The following UPK1A variants were observed in gnomAD, a reference collection of about 807,000 sequenced individuals.
The protein encoded by UPK1A is uroplakin-1a.
Under a neutral mutation model 32.3 loss-of-function variants are expected in UPK1A, and 31 were observed. The observed-to-expected ratio is 0.96, with a 90% CI of 0.72 to 1.30. UPK1A has a LOEUF of 1.30. UPK1A is among the 50% of genes most tolerant of loss of function. The probability of loss-of-function intolerance (pLI) is 0.00; values close to 1 mark genes in which losing one functional copy is unlikely to be tolerated. For synonymous variants in UPK1A, 135 were observed against 137.1 expected (o/e 0.98, Z 0.11); for missense variants, 340 against 357.4 (o/e 0.95, Z 0.39).
exon 3 of UPK1A, chr19:35,668,490 G>A (rs1484835255): frequency 1.2e-6 from 2 of 1,614,066 alleles, no homozygotes; most frequent in Non-Finnish European, 1.7e-6. Flanking sequence ...GACCATATGG[G>A]TGACAGCCGA....
intron 6 of UPK1A, among the ~76,000 whole-genome samples, chr19:35,677,187 G>T (rs1296314084): frequency 1.3e-5 from 2 of 151,114 alleles, no homozygotes; most frequent in African/African-American, 4.9e-5. Flanking sequence ...TGGTGCCACT[G>T]CACTCTAGCC....
intron 2 of UPK1A, 167 bp from the exon 3 acceptor site, chr19:35,668,287 C>T (rs1435929542): frequency 1.3e-6 from 1 of 799,556 alleles, no homozygotes; most frequent in Non-Finnish European, 2.0e-6. Flanking sequence ...TCTCTTCTCT[C>T]CTGGCCTCTG....
chr19:35,672,951 A>T (rs1289389273), intron 3 of UPK1A, among the ~76,000 whole-genome samples: 1 of 151,916 alleles, frequency 6.6e-6, no homozygotes, highest in African/African-American at 2.4e-5. Flanking sequence ...CTCCTGACTC[A>T]GGTGATCGCC....
At chr19:35,669,961 T>C (rs770860263) in intron 3 of UPK1A, among the ~76,000 whole-genome samples, 1 of 152,140 alleles carries the variant, frequency 6.6e-6, no homozygotes, top group Non-Finnish European at 1.5e-5. Flanking sequence ...GCACTGGGGC[T>C]CTGTGCTGAG....
chr19:35,673,236 T>C (rs1173210133), exon 4 of UPK1A: 5 of 1,613,960 alleles, frequency 3.1e-6, no homozygotes, highest in Non-Finnish European at 4.2e-6. Context: ...CCCCAGTACC[T>C]GGTGCTCATG....
At chr19:35,676,191 C>A in intron 6 of UPK1A, 172 bp downstream of exon 6, 2 of 773,680 alleles carry the variant, frequency 2.6e-6, no homozygotes, top group South Asian at 2.1e-5. Flanking sequence ...TTCTTTCTTT[C>A]TTTCTTTTTT....
chr19:35,676,667 G>A (rs1277991808), intron 6 of UPK1A, among the ~76,000 whole-genome samples: 1 of 151,810 alleles, frequency 6.6e-6, no homozygotes, highest in East Asian at 2.0e-4. Flanking sequence ...GGGAGGCTGA[G>A]GAGGGCAGAT....
At chr19:35,672,978 G>T (rs1019563979) in intron 3 of UPK1A, among the ~76,000 whole-genome samples, 11 of 152,172 alleles carry the variant, frequency 7.2e-5, no homozygotes, top group Non-Finnish European at 1.5e-4. Flanking sequence ...GCCTCCCAAA[G>T]TGCTGGGATT....
intron 6 of UPK1A, 53 bp downstream of exon 6, chr19:35,676,072 G>A: frequency 6.4e-7 from 1 of 1,552,488 alleles, no homozygotes; most frequent in Admixed American, 1.9e-5. Context: ...GTCTTCCTCT[G>A]GTCTCTGCTC....
intron 1 of UPK1A, 107 bp from the exon 2 acceptor site, chr19:35,666,702 C>T (rs1324772571): frequency 5.4e-6 from 6 of 1,119,638 alleles, no homozygotes; most frequent in Non-Finnish European, 7.9e-6. Context: ...CCAGCCTGGG[C>T]CCCGCAGAGA....
intron 5 of UPK1A, among the ~76,000 whole-genome samples, chr19:35,675,470 G>A (rs559262389): frequency 6.6e-6 from 1 of 151,826 alleles, no homozygotes; most frequent in African/African-American, 2.4e-5. Context: ...TAGTAGAGAC[G>A]GGGTTTCATC....
intron 1 of UPK1A, 130 bp from the exon 2 acceptor site, chr19:35,666,679 G>A: frequency 2.3e-6 from 2 of 869,530 alleles, no homozygotes; most frequent in South Asian, 3.2e-5. Flanking sequence ...CCAGGGCTGT[G>A]GGTACATCAG....
exon 8 of UPK1A, chr19:35,678,205 C>A: frequency 1.5e-6 from 1 of 681,224 alleles, no homozygotes; most frequent in South Asian, 2.4e-5. Flanking sequence ...TGCCCTGAAA[C>A]CCCAGGGCTT....
In UPK1A at chr19:35,671,386, C is replaced by A. The variant is rs138587000; in HGVS notation, c.286-1846C>A. On this transcript the variant is annotated intron_variant, in intron 3 of 7. Transcript: ENST00000617999. ...TGGGCGACAGAGCAAGACTCTGTCT[C>A]AAAAAAAAAAAAAAATTGTGTCTGT... 5.7e-3 allele frequency among the ~76,000 whole-genome samples: 502 copies of A among 88,506 alleles called. 1 individual carries two copies. The highest frequency in any genetic ancestry group is 9.8e-3 in the Middle Eastern group (1 of 102). 58.1% of individuals were successfully genotyped at this position (88,506 alleles called of 152,430 possible). A position where few individuals can be genotyped will look rare whatever the true frequency, so the allele number is the denominator to read the frequency against.
At chr19:35,674,566 C>G (rs1968154403) in intron 5 of UPK1A, among the ~76,000 whole-genome samples, 1 of 151,340 alleles carries the variant, frequency 6.6e-6, no homozygotes, top group Non-Finnish European at 1.5e-5. Flanking sequence ...CTTTTTTAAT[C>G]CTCACGACCA....
intron 6 of UPK1A, among the ~76,000 whole-genome samples, chr19:35,677,230 T>A (rs1216984644): frequency 2.8e-5 from 4 of 141,434 alleles, no homozygotes; most frequent in Admixed American, 1.4e-4. Flanking sequence ...CAAGAGACTT[T>A]AAAAAAAAAA....
chr19:35,673,268 T>G, exon 4 of UPK1A: 1 of 1,613,988 alleles, frequency 6.2e-7, no homozygotes, highest in Non-Finnish European at 8.5e-7. Flanking sequence ...CATCTTCGAG[T>G]GCGCCTCCTG....
At chr19:35,669,180 A>G (rs1035748109) in intron 3 of UPK1A, among the ~76,000 whole-genome samples, 2 of 152,082 alleles carry the variant, frequency 1.3e-5, no homozygotes, top group Non-Finnish European at 2.9e-5. Context: ...ACCCTGTTTG[A>G]TGAAGATTGA....
At chr19:35,671,306 G>A (rs1968093657) in intron 3 of UPK1A, among the ~76,000 whole-genome samples, 1 of 143,828 alleles carries the variant, frequency 7.0e-6, no homozygotes, top group Non-Finnish European at 1.5e-5. Flanking sequence ...AGAATGGCGT[G>A]AACCCGGGAG....
Sources: allele counts gnomAD v4.1 joint callset (sites outside exome capture counted in the v4.1 genomes callset), GRCh38; gene constraint gnomAD v4.1.1; transcripts MANE v1.5; gene names NCBI Gene and HGNC (gene_info 2026-07-23, HGNC 2026-07-21).